RGS21: variants seen among roughly 807,000 people sequenced by gnomAD.
RGS21 encodes the protein regulator of G protein signaling 21.
Under a neutral mutation model 18.7 loss-of-function variants are expected in RGS21, and 19 were observed. The ratio of observed to expected loss-of-function variants is 1.01; its 90% CI spans 0.71 to 1.49. The LOEUF is 1.49. Ranked by LOEUF, RGS21 falls within the 40% of genes most tolerant of loss-of-function variation. The pLI, the probability that RGS21 is intolerant of heterozygous loss-of-function variation, is 0.00. For synonymous variants in RGS21, 56 were observed against 57.8 expected (o/e 0.97, Z 0.14); for missense variants, 194 against 176.8 (o/e 1.10, Z -0.55).
At chr1:192,341,385 G>T (rs1390903773) in intron 1 of RGS21, among the ~76,000 whole-genome samples, 1 of 152,020 alleles carries the variant, frequency 6.6e-6, no homozygotes, top group Non-Finnish European at 1.5e-5. Context: ...TGATAATGGA[G>T]CCTAAACCCA....
chr1:192,360,242 C>T (rs1473855005), intron 4 of RGS21, among the ~76,000 whole-genome samples: 1 of 152,100 alleles, frequency 6.6e-6, no homozygotes, highest in South Asian at 2.1e-4. Flanking sequence ...TTAATAACTA[C>T]TCTGTTCTTC....
intron 3 of RGS21, 94 bp downstream of exon 3, chr1:192,347,483 A>C: frequency 4.8e-6 from 3 of 630,514 alleles, no homozygotes; most frequent in Non-Finnish European, 2.8e-6. Flanking sequence ...GTATGAGTTT[A>C]ATCAATGAAG....
intron 4 of RGS21, among the ~76,000 whole-genome samples, chr1:192,364,163 T>C (rs1325156850): frequency 6.6e-6 from 1 of 152,104 alleles, no homozygotes; most frequent in Non-Finnish European, 1.5e-5. Context: ...CCCCAAGTGT[T>C]TCCACTGCCC....
chr1:192,358,025 T>C (rs1187098772), intron 4 of RGS21, among the ~76,000 whole-genome samples: 2 of 152,040 alleles, frequency 1.3e-5, no homozygotes, highest in African/African-American at 4.8e-5. Flanking sequence ...TTGGGATTGG[T>C]GATGGAAACA....
chr1:192,324,094 CATT>C (rs1279289234), intron 1 of RGS21, among the ~76,000 whole-genome samples: 1 of 151,952 alleles, frequency 6.6e-6, no homozygotes, highest in Non-Finnish European at 1.5e-5. Context: ...CACATGTAAT[CATT>C]ATTAACTGTT....
chr1:192,343,935 T>C (rs968340067), intron 2 of RGS21, among the ~76,000 whole-genome samples: 2 of 151,898 alleles, frequency 1.3e-5, no homozygotes, highest in South Asian at 4.2e-4. Context: ...GTCAGTAGAG[T>C]TTAAAATCAA....
chr1:192,328,222 G>T (rs181510689), intron 1 of RGS21, among the ~76,000 whole-genome samples: 1 of 152,208 alleles, frequency 6.6e-6, no homozygotes, highest in South Asian at 2.1e-4. Context: ...CTCCGAGGGC[G>T]GCCAGGGACA....
chr1:192,354,193 G>A (rs940220369), intron 4 of RGS21, among the ~76,000 whole-genome samples: 1 of 151,578 alleles, frequency 6.6e-6, no homozygotes, highest in Non-Finnish European at 1.5e-5. Context: ...TGAAATTACC[G>A]AGTGAAAGAA....
intron 4 of RGS21, among the ~76,000 whole-genome samples, chr1:192,362,378 G>A (rs1273307078): frequency 6.6e-6 from 1 of 152,062 alleles, no homozygotes; most frequent in African/African-American, 2.4e-5. Context: ...AAAAATAAGA[G>A]TGAGAATGAA....
chr1:192,326,635 G>A lies in RGS21; in HGVS notation c.-61+9530G>A, dbSNP rs191353549. Among the ~76,000 whole-genome samples, 245 of 152,190 alleles carry A rather than the reference G, an allele frequency of 1.6e-3. 1 individual carries two copies. Among genetic ancestry groups the A allele is most frequent in the Admixed American group, 3.8e-3 (58 of 15,260 alleles). Reference sequence around the variant, plus strand: ...GGCAAAGTGAAATACAATTTTCTCAGTTTTAGAATATGGAAATGCACACAA... The same window carrying A: ...GGCAAAGTGAAATACAATTTTCTCAATTTTAGAATATGGAAATGCACACAA... On this transcript the variant is annotated intron_variant, in intron 1 of 4. Transcript: ENST00000417209.
At chr1:192,347,413 T>C (rs889116823) in intron 3 of RGS21, 24 bp downstream of exon 3, 5 of 1,081,922 alleles carry the variant, frequency 4.6e-6, no homozygotes, top group Admixed American at 3.4e-5. Flanking sequence ...AATAATAGGC[T>C]TAAAATACAA....
chr1:192,361,139 A>G (rs1486834151), intron 4 of RGS21, among the ~76,000 whole-genome samples: 2 of 152,166 alleles, frequency 1.3e-5, no homozygotes, highest in African/African-American at 2.4e-5. Flanking sequence ...TAGACATATG[A>G]AGACTTAGCA....
At chr1:192,327,869 C>T (rs1050237489) in intron 1 of RGS21, among the ~76,000 whole-genome samples, 2 of 152,124 alleles carry the variant, frequency 1.3e-5, no homozygotes, top group Admixed American at 6.6e-5. Flanking sequence ...CTGTTATATC[C>T]CCTGTTATAT....
At chr1:192,362,916 T>C (rs533822378) in intron 4 of RGS21, among the ~76,000 whole-genome samples, 51 of 152,202 alleles carry the variant, frequency 3.4e-4, no homozygotes, top group African/African-American at 1.1e-3. Context: ...ATGTTCAAAA[T>C]GTAAATATCA....
chr1:192,358,755 C>G (rs78706297), intron 4 of RGS21, among the ~76,000 whole-genome samples: 1 of 152,060 alleles, frequency 6.6e-6, no homozygotes, highest in African/African-American at 2.4e-5. Context: ...AGAGAGCCAA[C>G]AGGTACACTT....
chr1:192,367,242 G>GTCTTCCAGACAAAATTTTA lies in RGS21; in HGVS notation c.*1124_*1125insAGACAAAATTTTATCTTCC, dbSNP rs1178475519. The GTCTTCCAGACAAAATTTTA allele has an allele frequency of 1.3e-5, 2 of 151,918 alleles. No homozygotes were observed. The highest frequency in any genetic ancestry group is 2.4e-5 in the African/African-American group (1 of 41,414). The allele number at this position is 151,918 out of a possible 1,614,324, so 9.4% of individuals were successfully genotyped here. On this transcript the variant is annotated 3_prime_UTR_variant, in exon 5 of 5. Transcript: ENST00000417209. ...CTACTCATTTGATAGACAAAATTTT[G>GTCTTCCAGACAAAATTTTA]TCTTCCCTTCATCATGAGAAATAAA...
intron 4 of RGS21, among the ~76,000 whole-genome samples, chr1:192,356,991 C>T (rs1659120520): frequency 1.3e-5 from 2 of 151,602 alleles, no homozygotes; most frequent in African/African-American, 4.8e-5. Flanking sequence ...CAGTCATGGT[C>T]CCTGAGTAGA....
intron 1 of RGS21, among the ~76,000 whole-genome samples, chr1:192,335,569 G>A (rs1221393189): frequency 1.3e-5 from 2 of 152,168 alleles, no homozygotes; most frequent in African/African-American, 4.8e-5. Flanking sequence ...TGTGTTGTGA[G>A]ATGTACAAGA....
At chr1:192,331,558 T>TAAATAAAC (rs1176521947) in intron 1 of RGS21, among the ~76,000 whole-genome samples, 2 of 150,226 alleles carry the variant, frequency 1.3e-5, no homozygotes, top group East Asian at 3.9e-4. Flanking sequence ...AATAAATAAA[T>TAAATAAAC]AAATAAATAA....
Sources: allele counts gnomAD v4.1 joint callset (sites outside exome capture counted in the v4.1 genomes callset), GRCh38; gene constraint gnomAD v4.1.1; transcripts MANE v1.5; gene names NCBI Gene and HGNC (gene_info 2026-07-23, HGNC 2026-07-21).